Variants in OSBPL6 observed in about 807,000 individuals in gnomAD.
OSBPL6 encodes the protein oxysterol binding protein like 6.
Under a neutral mutation model 125.8 loss-of-function variants are expected in OSBPL6, and 49 were observed. That is an observed-to-expected ratio of 0.39 (90% CI 0.31 to 0.49). The LOEUF (loss-of-function observed/expected upper bound fraction) is 0.49. Ranked by LOEUF, OSBPL6 falls within the 20% of genes least tolerant of loss-of-function variation. OSBPL6 has a pLI of 0.88. For synonymous variants in OSBPL6, 394 were observed against 391.8 expected, an observed-to-expected ratio of 1.01 and a Z score of -0.07; for missense variants, 986 against 1,135.4, an observed-to-expected ratio of 0.87 and a Z score of 1.89.
intron 1 of OSBPL6, among the ~76,000 whole-genome samples, chr2:178,217,736 C>T (rs2090149914): frequency 6.6e-6 from 1 of 152,170 alleles, no homozygotes; most frequent in East Asian, 1.9e-4. Context: ...AATAGCCTTT[C>T]CAGTTGATCT....
chr2:178,301,400 A>G (rs1686270309), intron 2 of OSBPL6, among the ~76,000 whole-genome samples: 1 of 152,126 alleles, frequency 6.6e-6, no homozygotes, highest in African/African-American at 2.4e-5. Flanking sequence ...ATGGTTAAGA[A>G]TGGTATTGTT....
At chr2:178,363,485 C>T (rs1179736840) in intron 13 of OSBPL6, among the ~76,000 whole-genome samples, 3 of 152,050 alleles carry the variant, frequency 2.0e-5, no homozygotes, top group Non-Finnish European at 2.9e-5. Context: ...TGGAGCACAC[C>T]GTAGTACATT....
intron 1 of OSBPL6, among the ~76,000 whole-genome samples, chr2:178,275,496 A>C (rs1377978169): frequency 6.6e-6 from 1 of 152,038 alleles, no homozygotes; most frequent in Non-Finnish European, 1.5e-5. Flanking sequence ...TGAGAGTGAG[A>C]CTCTGTCTCA....
intron 15 of OSBPL6, 136 bp downstream of exon 15, chr2:178,374,163 G>A: frequency 9.2e-7 from 1 of 1,086,746 alleles, no homozygotes; most frequent in Non-Finnish European, 1.3e-6. Context: ...TGTCCAAATT[G>A]CAGCAAAGCT....
At chr2:178,317,106 C>A (rs1687802800) in intron 3 of OSBPL6, among the ~76,000 whole-genome samples, 1 of 151,718 alleles carries the variant, frequency 6.6e-6, no homozygotes, top group Admixed American at 6.6e-5. Context: ...GAATGTGTTT[C>A]TCTAAAGGTC....
chr2:178,208,556 C>T (rs897929788), intron 1 of OSBPL6, among the ~76,000 whole-genome samples: 2 of 151,934 alleles, frequency 1.3e-5, no homozygotes, highest in African/African-American at 4.8e-5. Context: ...TCAACACACA[C>T]CTCTCTCCTG....
intron 1 of OSBPL6, among the ~76,000 whole-genome samples, chr2:178,251,390 C>T (rs1223792625): frequency 6.6e-6 from 1 of 150,676 alleles, no homozygotes; most frequent in Non-Finnish European, 1.5e-5. Context: ...CCGCTCCTCT[C>T]AACTAGAAGA....
chr2:178,204,293 G>T (rs2089421800), intron 1 of OSBPL6, among the ~76,000 whole-genome samples: 1 of 152,114 alleles, frequency 6.6e-6, no homozygotes. Context: ...CAAAATGCTG[G>T]GATTACAGGT....
intron 1 of OSBPL6, among the ~76,000 whole-genome samples, chr2:178,269,186 A>C (rs1336908801): frequency 6.6e-6 from 1 of 152,216 alleles, no homozygotes. Flanking sequence ...GGTATAGGGC[A>C]GGACATGAGG....
At chr2:178,296,729 C>T (rs1402641635) in intron 2 of OSBPL6, among the ~76,000 whole-genome samples, 1 of 152,052 alleles carries the variant, frequency 6.6e-6, no homozygotes, top group East Asian at 1.9e-4. Context: ...AGATACGTGC[C>T]AAGGTTACCA....
chr2:178,229,601 G>C (rs548128224), intron 1 of OSBPL6, among the ~76,000 whole-genome samples: 2 of 152,166 alleles, frequency 1.3e-5, no homozygotes, highest in Non-Finnish European at 2.9e-5. Context: ...AGGCCAAGGC[G>C]AGTGGATCTT....
intron 1 of OSBPL6, among the ~76,000 whole-genome samples, chr2:178,278,081 A>G (rs543860195): frequency 6.6e-6 from 1 of 151,952 alleles, no homozygotes; most frequent in Non-Finnish European, 1.5e-5. Flanking sequence ...CCGTCTCTTG[A>G]TTTTCATATA....
intron 15 of OSBPL6, among the ~76,000 whole-genome samples, chr2:178,376,574 A>T (rs939013512): frequency 1.5e-4 from 23 of 152,118 alleles, no homozygotes; most frequent in Admixed American, 6.6e-5. Flanking sequence ...GGGGAACCTG[A>T]GTAATCTTCC....
chr2:178,266,287 A>C (rs954409001), intron 1 of OSBPL6, among the ~76,000 whole-genome samples: 2 of 152,162 alleles, frequency 1.3e-5, no homozygotes, highest in African/African-American at 4.8e-5. Flanking sequence ...TTTGTAGGAT[A>C]ACACTAAGTG....
intron 11 of OSBPL6, among the ~76,000 whole-genome samples, chr2:178,349,004 GA>G (rs1420353323): frequency 6.6e-6 from 1 of 152,148 alleles, no homozygotes; most frequent in Non-Finnish European, 1.5e-5. Flanking sequence ...CTGTAGCAGT[GA>G]AAAATTGGTG....
chr2:178,292,117 G>C (rs1385623287), intron 2 of OSBPL6, among the ~76,000 whole-genome samples: 1 of 151,476 alleles, frequency 6.6e-6, no homozygotes, highest in Non-Finnish European at 1.5e-5. Flanking sequence ...CCACCCTCCA[G>C]TAAACTTTTT....
chr2:178,382,297 C>G (rs1192201287), intron 15 of OSBPL6, 123 bp from the exon 16 acceptor site: 5 of 1,231,778 alleles, frequency 4.1e-6, no homozygotes, highest in Non-Finnish European at 5.5e-6. Context: ...ATGTCAAATA[C>G]TTTTCCCTCT....
chr2:178,322,016 T>A (rs113311664), intron 3 of OSBPL6, among the ~76,000 whole-genome samples: 26 of 152,222 alleles, frequency 1.7e-4, no homozygotes, highest in Non-Finnish European at 3.4e-4. Flanking sequence ...CTAACCCTTC[T>A]GACCCACATA....
At chr2:178,250,615 G>A (rs1365145337) in intron 1 of OSBPL6, among the ~76,000 whole-genome samples, 1 of 152,008 alleles carries the variant, frequency 6.6e-6, no homozygotes, top group East Asian at 1.9e-4. Context: ...CCTTCCTCAG[G>A]GCTTCTGCAC....
Sources: gnomAD v4.1 joint callset for allele counts (sites outside exome capture counted in the v4.1 genomes callset) on GRCh38, gnomAD v4.1.1 for gene constraint, MANE v1.5 for transcripts, NCBI Gene and HGNC (gene_info 2026-07-23, HGNC 2026-07-21) for gene names.